The following TENM1 variants were observed in gnomAD, a reference collection of about 807,000 sequenced individuals.
TENM1 encodes the protein teneurin transmembrane protein 1.
A neutral mutation model predicts 174.8 loss-of-function variants in TENM1; 35 were observed. That is an observed-to-expected ratio of 0.20 (90% CI 0.15 to 0.27). The LOEUF is 0.27. Ranked by LOEUF, TENM1 falls within the 10% of genes least tolerant of loss-of-function variation. The probability of loss-of-function intolerance (pLI) is 1.00; values close to 1 mark genes in which losing one functional copy is unlikely to be tolerated. For synonymous variants in TENM1, 781 were observed against 798.7 expected (o/e 0.98, Z 0.37); for missense variants, 1,633 against 2,130.1 (o/e 0.77, Z 4.59).
intron 11 of TENM1, among the ~76,000 whole-genome samples, chrX:124,626,532 C>T (rs2050640930): frequency 8.9e-6 from 1 of 111,963 alleles, no homozygotes; most frequent in African/African-American, 3.2e-5. Context: ...CCTTTTGGTC[C>T]TGATTCAGTT....
intron 11 of TENM1, among the ~76,000 whole-genome samples, chrX:124,637,240 C>T (rs1002093506): frequency 9.1e-6 from 1 of 110,190 alleles, no homozygotes; most frequent in Non-Finnish European, 1.9e-5. Context: ...TGGGCGCACG[C>T]CACCATGCCT....
In TENM1 at chrX:124,481,723, A is replaced by AT. The variant is rs779975065; in HGVS notation, c.3949+8dup. 4.6e-6 allele frequency: 3 copies of AT among 647,951 alleles called. No individual in the cohort carries two copies. Among genetic ancestry groups the AT allele is most frequent in the African/African-American group, 4.7e-5 (2 of 42,815 alleles). The allele number at this position is 647,951 out of a possible 1,213,427, so 53.4% of individuals were successfully genotyped here. ...TATATATATATATATTTATTTATTT[A>AT]TTTTTTACCTCGAGGGCTATTCAGT... On this transcript the variant is annotated intron_variant, in intron 22 of 31. Transcript: ENST00000422452.
chrX:124,980,987 T>C, the TENM1 span, among the ~76,000 whole-genome samples: 1 of 112,329 alleles, frequency 8.9e-6, no homozygotes, highest in East Asian at 2.8e-4. Context: ...CTGTTCTTCC[T>C]ATCCATGTTC....
chrX:124,784,645 T>A (rs1302813922), intron 3 of TENM1, among the ~76,000 whole-genome samples: 1 of 111,629 alleles, frequency 9.0e-6, no homozygotes, highest in East Asian at 2.8e-4. Context: ...AATAAGATGA[T>A]CTCTCCTGGG....
chrX:124,479,653 TTC>T (rs2046802790), intron 22 of TENM1, among the ~76,000 whole-genome samples: 1 of 111,808 alleles, frequency 8.9e-6, no homozygotes, highest in African/African-American at 3.3e-5. Flanking sequence ...AAAATATTCA[TTC>T]TCTGTGTGGC....
In TENM1 at chrX:124,494,070, T is replaced by C. The variant is rs187766956; in HGVS notation, c.3695+2946A>G. 3.9e-3 allele frequency among the ~76,000 whole-genome samples: 438 copies of C among 111,579 alleles called. 2 individuals carry two copies. In the South Asian group the frequency reaches 0.052, roughly 13 times the overall value. ...CACTCAGTATTAGAAAATGGAGGTATATTCCATAGCAAGCATGAGAATCTG... is the reference window on the plus strand; with the variant it reads ...CACTCAGTATTAGAAAATGGAGGTACATTCCATAGCAAGCATGAGAATCTG... On this transcript the variant is annotated intron_variant, in intron 20 of 31. Coordinates refer to ENST00000422452, the Ensembl canonical transcript of TENM1.
chrX:124,543,212 T>C (rs2048359004), intron 15 of TENM1, among the ~76,000 whole-genome samples: 1 of 112,588 alleles, frequency 8.9e-6, no homozygotes, highest in African/African-American at 3.2e-5. Flanking sequence ...TGCCCATGCA[T>C]CCCAAGCTGT....
At chrX:124,944,337 C>T (rs1045183722) in intron 1 of TENM1, among the ~76,000 whole-genome samples, 6 of 111,236 alleles carry the variant, frequency 5.4e-5, no homozygotes, top group African/African-American at 2.0e-4. Context: ...ACTAAGCATC[C>T]TGATTAAAAA....
At chrX:124,894,451 A>C in intron 2 of TENM1, 99 bp from the exon 6 acceptor site, 1 of 568,099 alleles carries the variant, frequency 1.8e-6, no homozygotes. Flanking sequence ...CTTAAAAAAA[A>C]CCCAGCTTTA....
At chrX:124,500,183 T>C (rs192002172) in intron 19 of TENM1, among the ~76,000 whole-genome samples, 1 of 112,169 alleles carries the variant, frequency 8.9e-6, no homozygotes, top group East Asian at 2.8e-4. Context: ...TCTCAACAAT[T>C]GATGTCTGGC....
At chrX:125,182,458 G>GC in the TENM1 span, among the ~76,000 whole-genome samples, 1 of 89,373 alleles carries the variant, frequency 1.1e-5, no homozygotes, top group East Asian at 4.5e-4. Context: ...GCGGGCGGGG[G>GC]GGGGGGCATT....
At chrX:124,586,329 C>T (rs1218973053) in intron 11 of TENM1, among the ~76,000 whole-genome samples, 14 of 108,062 alleles carry the variant, frequency 1.3e-4, no homozygotes, top group African/African-American at 3.8e-4. Context: ...CATCAAAAAG[C>T]TTATCCACCA....
At chrX:124,441,221 C>T (rs1823514056) in intron 23 of TENM1, among the ~76,000 whole-genome samples, 1 of 111,757 alleles carries the variant, frequency 8.9e-6, no homozygotes, top group Non-Finnish European at 1.9e-5. Context: ...ATTGTCTATA[C>T]TCCTTCTACT....
At chrX:124,796,674 G>T (rs1256718323) in intron 3 of TENM1, among the ~76,000 whole-genome samples, 2 of 111,163 alleles carry the variant, frequency 1.8e-5, no homozygotes, top group Non-Finnish European at 3.8e-5. Flanking sequence ...AAATATAGAA[G>T]ATATGGTATA....
chrX:124,466,689 G>A (rs5958495), intron 22 of TENM1, among the ~76,000 whole-genome samples: 11,389 of 111,098 alleles, frequency 0.1, 859 homozygotes, highest in African/African-American at 0.25. Flanking sequence ...AGTATAACAA[G>A]TGAAAATCAG....
the TENM1 span, among the ~76,000 whole-genome samples, chrX:125,203,335 C>T: frequency 8.9e-6 from 1 of 112,682 alleles, no homozygotes; most frequent in African/African-American, 3.2e-5. Context: ...GCCAGAGAAG[C>T]GCCCCTTTCT....
At chrX:124,782,191 C>T (rs898266257) in intron 3 of TENM1, among the ~76,000 whole-genome samples, 1 of 111,705 alleles carries the variant, frequency 9.0e-6, no homozygotes, top group African/African-American at 3.3e-5. Flanking sequence ...CAGGAATTCT[C>T]CAGTTGCATT....
At chrX:124,965,138 T>C (rs1011152539), upstream of TENM1, among the ~76,000 whole-genome samples, 40 of 111,827 alleles carry the variant, frequency 3.6e-4, no homozygotes, top group Non-Finnish European at 1.1e-4. Flanking sequence ...AGTTCAGTGG[T>C]GCGATCTCGG....
At chrX:124,812,470 T>C (rs1029955932) in intron 3 of TENM1, among the ~76,000 whole-genome samples, 1 of 111,543 alleles carries the variant, frequency 9.0e-6, no homozygotes, top group Admixed American at 9.5e-5. Flanking sequence ...AACGTCTATC[T>C]AGCAAATGTC....
Sources: allele counts gnomAD v4.1 joint callset (sites outside exome capture counted in the v4.1 genomes callset), GRCh38; gene constraint gnomAD v4.1.1; transcripts MANE v1.5; gene names NCBI Gene and HGNC (gene_info 2026-07-23, HGNC 2026-07-21).